The following BRIP1 variants were observed in gnomAD, a reference collection of about 807,000 sequenced individuals.
The protein encoded by BRIP1 is Fanconi anemia group J protein.
Under a neutral mutation model 119.7 loss-of-function variants are expected in BRIP1, and 88 were observed. That is an observed-to-expected ratio of 0.74 (90% confidence interval 0.62 to 0.88). The LOEUF (loss-of-function observed/expected upper bound fraction) is 0.88, where lower values mean the gene tolerates loss of function less well. Among genes scored for constraint, BRIP1 ranks in the 40% least tolerant of loss-of-function variants. The pLI is 0.00. For synonymous variants in BRIP1, 443 were observed against 496.5 expected, an observed-to-expected ratio of 0.89 and a Z score of 1.43; for missense variants, 1,259 against 1,455.4, an observed-to-expected ratio of 0.87 and a Z score of 2.20.
In BRIP1 at chr17:61,759,069, A is replaced by G. The variant is rs1242105613; in HGVS notation, c.2098-14478T>C. Among the ~76,000 whole-genome samples the G allele has an allele frequency of 1.3e-5, 2 of 151,750 alleles. No individual in the cohort carries two copies. Among genetic ancestry groups the G allele is most frequent in the Admixed American group, 1.3e-4 (2 of 15,206 alleles). The stretch of plus-strand genomic sequence containing the variant: ...GGCAGTAATAACTCTTTACCTTTCA[A>G]TACCTACCTTGAATGTAAATGAATT... On this transcript the variant is annotated intron_variant, in intron 14 of 19. Transcript: ENST00000259008. The surrounding 1 kb of genome is among the most constrained non-coding windows in gnomAD (Gnocchi z 4.9).
intron 16 of BRIP1, among the ~76,000 whole-genome samples, chr17:61,731,378 G>A (rs565788533): frequency 6.6e-6 from 1 of 152,282 alleles, no homozygotes; most frequent in South Asian, 2.1e-4. Context: ...ACTATAACCA[G>A]AAGTCCACTC....
At position 61,679,880 on chromosome 17, in the gene BRIP1, T is replaced by C. The variant is rs1471547132; in HGVS notation, c.*3416A>G. Among the ~76,000 whole-genome samples, 1 of 152,154 alleles carries C rather than the reference T, an allele frequency of 6.6e-6. No individual in the cohort carries two copies. The highest frequency in any genetic ancestry group is 6.5e-5 in the Admixed American group (1 of 15,270). On this transcript the variant is annotated 3_prime_UTR_variant, in exon 20 of 20. Transcript: ENST00000259008. The surrounding 1 kb of genome is among the most constrained non-coding windows in gnomAD (Gnocchi z 4.4). ...TAGTTTACTTCTTGGAATATCATCT[T>C]GGTCAGTCATGATCTGAGGAGAATA...
In BRIP1 at chr17:61,751,184, T is replaced by C. The variant is rs74943257; in HGVS notation, c.2098-6593A>G. ...TGAAATTCTGACAAATGCTTGAATA[T>C]GGATAAACCCATAGTAAGTGAAAAA... On this transcript the variant is annotated intron_variant, in intron 14 of 19. Transcript: ENST00000259008. The surrounding 1 kb of genome is among the most constrained non-coding windows in gnomAD (Gnocchi z 6.7). Among the ~76,000 whole-genome samples, 212 of 152,320 alleles carry C rather than the reference T, an allele frequency of 1.4e-3. No individual in the cohort carries two copies. Among genetic ancestry groups the C allele is most frequent in the African/African-American group, 4.8e-3 (199 of 41,580 alleles).
rs943316107 is a variant in BRIP1, at chr17:61,816,792, A to G, written c.628-8035T>C. 1.3e-5 allele frequency among the ~76,000 whole-genome samples: 2 copies of G among 152,210 alleles called. No individual in the cohort carries two copies. Among genetic ancestry groups the G allele is most frequent in the African/African-American group, 4.8e-5 (2 of 41,450 alleles). Reference sequence around the variant, plus strand: ...GAAGACTCAAACGAGCAAAATGGGGAAGTGGGCGGGTAGGCGGAAAATATC... The same window carrying G: ...GAAGACTCAAACGAGCAAAATGGGGGAGTGGGCGGGTAGGCGGAAAATATC... On this transcript the variant is annotated intron_variant, in intron 6 of 19. Coordinates refer to ENST00000259008, the MANE Select transcript of BRIP1 (RefSeq NM_032043.3). The surrounding 1 kb of genome is among the most constrained non-coding windows in gnomAD (Gnocchi z 5.0).
intron 6 of BRIP1, among the ~76,000 whole-genome samples, chr17:61,811,906 C>T (rs1477067514): frequency 6.6e-6 from 1 of 152,000 alleles, no homozygotes; most frequent in African/African-American, 2.4e-5. Context: ...GAGCCAAGAC[C>T]ACGCCACTGC....
intron 6 of BRIP1, among the ~76,000 whole-genome samples, chr17:61,835,003 G>A (rs932668890): frequency 5.9e-5 from 9 of 152,180 alleles, no homozygotes; most frequent in East Asian, 3.8e-4. Flanking sequence ...GCACATGTGC[G>A]CACTTAAGAA....
chr17:61,818,477 C>T (rs370182152), intron 6 of BRIP1, among the ~76,000 whole-genome samples: 12 of 152,144 alleles, frequency 7.9e-5, no homozygotes, highest in African/African-American at 2.9e-4. Flanking sequence ...GAAAATAGGC[C>T]ACATCATTTG....
chr17:61,688,107 G>A (rs1238206131), intron 18 of BRIP1, among the ~76,000 whole-genome samples: 1 of 152,116 alleles, frequency 6.6e-6, no homozygotes, highest in African/African-American at 2.4e-5. Flanking sequence ...AGCTGTCTAG[G>A]GACTCGTTTC....
At position 61,809,869 on chromosome 17, in the gene BRIP1, T is replaced by A. The variant is rs1002628251; in HGVS notation, c.628-1112A>T. 6.6e-6 allele frequency among the ~76,000 whole-genome samples: 1 copy of A among 152,204 alleles called. No individual in the cohort carries two copies. Among genetic ancestry groups the A allele is most frequent in the Non-Finnish European group, 1.5e-5 (1 of 68,020 alleles). ...AAGATTAGCCTTCATAAACAAATGC[T>A]AAGTCATAGCATGTTACACCACAAT... On this transcript the variant is annotated intron_variant, in intron 6 of 19. Transcript: ENST00000259008. The surrounding 1 kb of genome is among the most constrained non-coding windows in gnomAD (Gnocchi z 5.2).
intron 16 of BRIP1, among the ~76,000 whole-genome samples, chr17:61,732,739 T>C (rs532585224): frequency 6.6e-6 from 1 of 152,222 alleles, no homozygotes; most frequent in Non-Finnish European, 1.5e-5. Context: ...TCGCCCAGAC[T>C]GGAGTGCAGT....
chr17:61,850,191 C>T (rs1158696065), intron 4 of BRIP1, among the ~76,000 whole-genome samples: 2 of 151,802 alleles, frequency 1.3e-5, no homozygotes, highest in African/African-American at 4.8e-5. Flanking sequence ...CAACCTCTAC[C>T]TCCCAGGTTC....
chr17:61,775,722 A>G lies in BRIP1; in HGVS notation c.2097+679T>C, dbSNP rs947545270. 2.6e-5 allele frequency among the ~76,000 whole-genome samples: 4 copies of G among 152,214 alleles called. No homozygotes were observed. Among genetic ancestry groups the G allele is most frequent in the African/African-American group, 9.6e-5 (4 of 41,460 alleles). ...GGGCAACGAAGAAAGTTTGGCTTAGATTAACTTTAATGAAACCTTCAGAAA... is the reference window on the plus strand; with the variant it reads ...GGGCAACGAAGAAAGTTTGGCTTAGGTTAACTTTAATGAAACCTTCAGAAA... On this transcript the variant is annotated intron_variant, in intron 14 of 19. Transcript: ENST00000259008. The surrounding 1 kb of genome is among the most constrained non-coding windows in gnomAD (Gnocchi z 4.4).
In BRIP1 at chr17:61,760,712, T is replaced by C. The variant is rs1281960687; in HGVS notation, c.2097+15689A>G. Among the ~76,000 whole-genome samples the C allele has an allele frequency of 3.3e-5, 5 of 151,990 alleles. No individual in the cohort carries two copies. Among genetic ancestry groups the C allele is most frequent in the Non-Finnish European group, 7.4e-5 (5 of 67,918 alleles). ...GATAAATTCCTAGACACATACAACC[T>C]ACCAAGACTGCATCATAAAGAAATA... is the stretch of plus-strand genomic sequence containing the variant. On this transcript the variant is annotated intron_variant, in intron 14 of 19. Transcript: ENST00000259008. This position sits in a 1 kb window ranked among gnomAD's most constrained non-coding sequence, Gnocchi z 4.6.
At chr17:61,819,511 A>G (rs1046881284) in intron 6 of BRIP1, among the ~76,000 whole-genome samples, 6 of 152,206 alleles carry the variant, frequency 3.9e-5, no homozygotes, top group African/African-American at 1.2e-4. Flanking sequence ...GAATGAAGAG[A>G]ATGTGGCACA....
chr17:61,850,274 G>T lies in BRIP1; in HGVS notation c.380-1018C>A, dbSNP rs1031258368. Among the ~76,000 whole-genome samples the T allele has an allele frequency of 5.3e-5, 8 of 151,728 alleles. No homozygotes were observed. The South Asian group carries it at 1.0e-3, about 20-fold the overall frequency. Reference sequence around the variant, plus strand: ...TGTGCCACCACGCCTGGCTAATTTTGTATTTTTAATAGAGACGGGGTTTCT... The same window carrying T: ...TGTGCCACCACGCCTGGCTAATTTTTTATTTTTAATAGAGACGGGGTTTCT... On this transcript the variant is annotated intron_variant, in intron 4 of 19. Transcript: ENST00000259008.
chr17:61,716,119 ACAT>A, intron 16 of BRIP1, 56 bp from the exon 17 acceptor site: 1 of 1,076,632 alleles, frequency 9.3e-7, no homozygotes, highest in Non-Finnish European at 1.3e-6. Flanking sequence ...CTCATTTTAA[ACAT>A]CATATTAACT....
In BRIP1 at chr17:61,789,973, T is replaced by C. The variant is rs1189884150; in HGVS notation, c.1473+3624A>G. Reference sequence around the variant, plus strand: ...CATTTTATAACTGACATGTAACATATACAGTAGAATGAACTAATCTTACAT... The same window carrying C: ...CATTTTATAACTGACATGTAACATACACAGTAGAATGAACTAATCTTACAT... On this transcript the variant is annotated intron_variant, in intron 10 of 19. Transcript: ENST00000259008. This position sits in a 1 kb window ranked among gnomAD's most constrained non-coding sequence, Gnocchi z 4.8. 2.0e-5 allele frequency among the ~76,000 whole-genome samples: 3 copies of C among 152,120 alleles called. No individual in the cohort carries two copies. The highest frequency in any genetic ancestry group is 4.8e-5 in the African/African-American group (2 of 41,430).
At chr17:61,790,415 G>A (rs996516235) in intron 10 of BRIP1, among the ~76,000 whole-genome samples, 13 of 151,922 alleles carry the variant, frequency 8.6e-5, no homozygotes, top group African/African-American at 2.9e-4. Context: ...GTGTGGTGGC[G>A]CATGCCTGTA....
intron 16 of BRIP1, among the ~76,000 whole-genome samples, chr17:61,718,884 C>A (rs533977797): frequency 1.9e-4 from 29 of 152,090 alleles, no homozygotes; most frequent in Non-Finnish European, 4.1e-4. Flanking sequence ...CTATGCATAT[C>A]CTCCTTTATA....
Sources: gnomAD v4.1 joint callset for allele counts (sites outside exome capture counted in the v4.1 genomes callset) on GRCh38, gnomAD v4.1.1 for gene constraint, Gnocchi (gnomAD v3.1) non-coding constraint, MANE v1.5 for transcripts, NCBI Gene and HGNC (gene_info 2026-07-23, HGNC 2026-07-21) for gene names.